TNFAIP8: variants seen among roughly 807,000 people sequenced by gnomAD.
The protein encoded by TNFAIP8 is TNF alpha induced protein 8.
A neutral mutation model predicts 13.3 loss-of-function variants in TNFAIP8; 7 were observed. The observed-to-expected ratio is 0.52, with a 90% CI of 0.30 to 0.99. The LOEUF (loss-of-function observed/expected upper bound fraction) is 0.99. Ranked by LOEUF, TNFAIP8 falls within the 50% of genes least tolerant of loss-of-function variation. The pLI is 0.07. For missense variants in TNFAIP8, 258 were observed against 236.9 expected, an observed-to-expected ratio of 1.09 and a Z score of -0.58; for synonymous variants, 94 against 87.6, an observed-to-expected ratio of 1.07 and a Z score of -0.41.
Position 119,393,823 on chromosome 5 carries a change from TC to T in TNFAIP8, c.*444del, listed in dbSNP as rs1752994749. The T allele has an allele frequency of 6.3e-6, 1 of 158,748 alleles. No individual in the cohort carries two copies. The highest frequency in any genetic ancestry group is 1.8e-4 in the South Asian group (1 of 5,594). 9.8% of individuals were successfully genotyped at this position (158,748 alleles called of 1,614,324 possible). A position where few individuals can be genotyped will look rare whatever the true frequency, so the allele number is the denominator to read the frequency against. The stretch of plus-strand genomic sequence containing the variant: ...AAGAACTTTCTCTTGCTATCATTGC[TC>T]CTTTTGAAACAATTCAATTTTCATG... On this transcript the variant is annotated 3_prime_UTR_variant, in exon 2 of 2. Coordinates refer to ENST00000504771, the MANE Select transcript of TNFAIP8 (RefSeq NM_014350.4).
intron 1 of TNFAIP8, among the ~76,000 whole-genome samples, chr5:119,385,240 G>A (rs1401905877): frequency 4.6e-5 from 7 of 152,178 alleles, no homozygotes; most frequent in African/African-American, 1.4e-4. Context: ...TACAACCTGG[G>A]ACTCTTGACT....
At chr5:119,279,646 A>G (rs968811725) in intron 1 of TNFAIP8, among the ~76,000 whole-genome samples, 5 of 152,114 alleles carry the variant, frequency 3.3e-5, no homozygotes, top group African/African-American at 1.2e-4. Context: ...CACAGGCACA[A>G]TCATAGCACA....
chr5:119,389,187 A>G (rs1056463598), intron 1 of TNFAIP8, among the ~76,000 whole-genome samples: 1 of 152,152 alleles, frequency 6.6e-6, no homozygotes, highest in South Asian at 2.1e-4. Context: ...ATTAATTGAG[A>G]TCATAAAGAG....
At chr5:119,304,355 C>T (rs1749488878) in intron 1 of TNFAIP8, among the ~76,000 whole-genome samples, 2 of 152,178 alleles carry the variant, frequency 1.3e-5, no homozygotes, top group African/African-American at 4.8e-5. Context: ...TTAAAGGCCT[C>T]TTTATCTGGT....
intron 1 of TNFAIP8, among the ~76,000 whole-genome samples, chr5:119,319,465 G>A (rs915926096): frequency 8.5e-5 from 13 of 152,198 alleles, no homozygotes; most frequent in Non-Finnish European, 1.8e-4. Flanking sequence ...GGCAGCTGTT[G>A]ATGGTCAAAT....
At chr5:119,371,287 T>C (rs1233061002) in intron 1 of TNFAIP8, among the ~76,000 whole-genome samples, 2 of 152,238 alleles carry the variant, frequency 1.3e-5, no homozygotes, top group Non-Finnish European at 2.9e-5. Flanking sequence ...GAAGCACTTG[T>C]TCGTTGCCTA....
At chr5:119,350,300 A>G (rs1263942079) in intron 1 of TNFAIP8, among the ~76,000 whole-genome samples, 2 of 152,232 alleles carry the variant, frequency 1.3e-5, no homozygotes, top group Non-Finnish European at 2.9e-5. Context: ...CTATGTAGCC[A>G]TTGTATTAGG....
At chr5:119,326,406 A>T (rs1241259243) in intron 1 of TNFAIP8, among the ~76,000 whole-genome samples, 1 of 152,130 alleles carries the variant, frequency 6.6e-6, no homozygotes, top group Non-Finnish European at 1.5e-5. Context: ...GCTGGTGATG[A>T]TGGAAAGAAT....
At chr5:119,303,618 C>T (rs1010821506) in intron 1 of TNFAIP8, among the ~76,000 whole-genome samples, 8 of 152,160 alleles carry the variant, frequency 5.3e-5, no homozygotes, top group African/African-American at 1.9e-4. Context: ...AGGTTGAATG[C>T]TTGCTTCAGA....
intron 1 of TNFAIP8, among the ~76,000 whole-genome samples, chr5:119,342,729 T>A (rs1417124918): frequency 6.6e-6 from 1 of 152,192 alleles, no homozygotes; most frequent in African/African-American, 2.4e-5. Flanking sequence ...TAGCCATTGG[T>A]CTTCAGCCTT....
chr5:119,273,476 G>A (rs1748351680), intron 1 of TNFAIP8, among the ~76,000 whole-genome samples: 1 of 152,206 alleles, frequency 6.6e-6, no homozygotes, highest in African/African-American at 2.4e-5. Flanking sequence ...AGGGTCACAT[G>A]ATTATATAAG....
At chr5:119,313,031 T>G (rs77433836) in intron 1 of TNFAIP8, among the ~76,000 whole-genome samples, 287 of 152,220 alleles carry the variant, frequency 1.9e-3, no homozygotes, top group African/African-American at 6.6e-3. Flanking sequence ...GGCTTAATAT[T>G]AAGAAGGGTT....
chr5:119,370,814 A>G (rs898183606), intron 1 of TNFAIP8, among the ~76,000 whole-genome samples: 1 of 152,216 alleles, frequency 6.6e-6, no homozygotes, highest in Admixed American at 6.5e-5. Flanking sequence ...CCAGTGCCTA[A>G]CCCGTTGATA....
chr5:119,276,550 G>A (rs1748455784), intron 1 of TNFAIP8, among the ~76,000 whole-genome samples: 1 of 152,144 alleles, frequency 6.6e-6, no homozygotes, highest in Non-Finnish European at 1.5e-5. Context: ...TATTCTCACA[G>A]TTCTGGAGAC....
At chr5:119,276,111 C>T (rs937948075) in intron 1 of TNFAIP8, among the ~76,000 whole-genome samples, 1 of 150,916 alleles carries the variant, frequency 6.6e-6, no homozygotes, top group African/African-American at 2.4e-5. Context: ...TCGTTAAGTT[C>T]TGTTTTTTTT....
intron 1 of TNFAIP8, among the ~76,000 whole-genome samples, chr5:119,326,636 A>G (rs935489431): frequency 1.3e-5 from 2 of 152,194 alleles, no homozygotes; most frequent in Admixed American, 6.5e-5. Flanking sequence ...TGGCAGTGTT[A>G]AGGGTGATCG....
intron 1 of TNFAIP8, among the ~76,000 whole-genome samples, chr5:119,325,450 T>C (rs549810285): frequency 2.8e-4 from 43 of 152,238 alleles, no homozygotes; most frequent in African/African-American, 1.0e-3. Context: ...ATTTGTTTAT[T>C]TATTTATTTA....
At chr5:119,282,502 T>G (rs751462179) in intron 1 of TNFAIP8, among the ~76,000 whole-genome samples, 142 of 152,358 alleles carry the variant, frequency 9.3e-4, no homozygotes, top group Middle Eastern at 3.4e-3. Flanking sequence ...GTCCCATGGA[T>G]TCAGTGTCAG....
chr5:119,387,112 C>T (rs530199014), intron 1 of TNFAIP8, among the ~76,000 whole-genome samples: 1 of 152,104 alleles, frequency 6.6e-6, no homozygotes, highest in African/African-American at 2.4e-5. Context: ...CTACTCCGAG[C>T]GTTCATTGCT....
Sources: allele counts gnomAD v4.1 joint callset (sites outside exome capture counted in the v4.1 genomes callset), GRCh38; gene constraint gnomAD v4.1.1; transcripts MANE v1.5; gene names NCBI Gene and HGNC (gene_info 2026-07-23, HGNC 2026-07-21).